Variants in FOCAD observed in about 807,000 individuals in gnomAD.
The protein encoded by FOCAD is KIAA1797.
Under a neutral mutation model 225.6 loss-of-function variants are expected in FOCAD, and 198 were observed. The observed-to-expected ratio is 0.88, with a 90% CI of 0.78 to 0.99. FOCAD has a LOEUF of 0.99. Among genes scored for constraint, FOCAD ranks in the 50% least tolerant of loss-of-function variants. The probability of loss-of-function intolerance (pLI) is 0.00; values close to 1 mark genes in which losing one functional copy is unlikely to be tolerated. For synonymous variants in FOCAD, 897 were observed against 755.0 expected (o/e 1.19, Z -3.08); for missense variants, 2,713 against 2,123.6 (o/e 1.28, Z -5.46).
chr9:20,885,412 G>T, intron 21 of FOCAD, 182 bp downstream of exon 21: 1 of 478,418 alleles, frequency 2.1e-6, no homozygotes. Context: ...GAAAGAAACT[G>T]CCATGTTTTC....
At chr9:20,901,460 G>A (rs1832557264) in intron 21 of FOCAD, among the ~76,000 whole-genome samples, 1 of 151,788 alleles carries the variant, frequency 6.6e-6, no homozygotes, top group African/African-American at 2.4e-5. Context: ...TGCCATCAAA[G>A]TTTGTTACCT....
intron 33 of FOCAD, among the ~76,000 whole-genome samples, chr9:20,950,643 A>G (rs1837601810): frequency 6.6e-6 from 1 of 152,200 alleles, no homozygotes; most frequent in African/African-American, 2.4e-5. Context: ...AGGTATTTTC[A>G]TCTTAAGTAA....
chr9:20,705,754 G>C (rs1193913916), intron 1 of FOCAD, among the ~76,000 whole-genome samples: 1 of 150,802 alleles, frequency 6.6e-6, no homozygotes, highest in Non-Finnish European at 1.5e-5. Context: ...TGAAGATTTA[G>C]ATTGGATGCT....
intron 28 of FOCAD, among the ~76,000 whole-genome samples, chr9:20,942,292 A>G (rs542057251): frequency 1.1e-4 from 16 of 152,354 alleles, no homozygotes; most frequent in Admixed American, 7.8e-4. Flanking sequence ...TAATACATCT[A>G]TCTCCTGAGA....
intron 29 of FOCAD, 43 bp downstream of exon 29, chr9:20,944,817 T>G: frequency 6.4e-7 from 1 of 1,556,162 alleles, no homozygotes. Context: ...TGCTCTCTTT[T>G]GTTTTCTTCT....
chr9:20,920,460 T>A (rs1587612667), intron 24 of FOCAD, among the ~76,000 whole-genome samples: 1 of 126,616 alleles, frequency 7.9e-6, no homozygotes, highest in Non-Finnish European at 1.6e-5. Flanking sequence ...ATCCCATTAC[T>A]GGGTATATAC....
chr9:20,845,238 T>G (rs1826959566), intron 15 of FOCAD, among the ~76,000 whole-genome samples: 1 of 152,020 alleles, frequency 6.6e-6, no homozygotes, highest in South Asian at 2.1e-4. Context: ...TCAGAAAATA[T>G]GGATTAGCAG....
intron 1 of FOCAD, among the ~76,000 whole-genome samples, chr9:20,714,604 T>TTGCCTGCCTGCTTGCC (rs1825150913): frequency 3.4e-5 from 2 of 59,298 alleles, no homozygotes; most frequent in African/African-American, 6.1e-5. Context: ...TTTTGCATGC[T>TTGCCTGCCTGCTTGCC]TGCCTGCCTG....
chr9:20,711,525 C>T lies in FOCAD; in HGVS notation c.-32-3797C>T, dbSNP rs181264607. ...GGAGAGCCCCAAGACTAAGCAGTTA[C>T]TGGAGTAAGCCTGCCATGAGGAACT... On this transcript the variant is annotated intron_variant, in intron 1 of 43. Transcript: ENST00000338382. 2.8e-4 allele frequency among the ~76,000 whole-genome samples: 42 copies of T among 152,218 alleles called. 1 individual carries two copies. Among genetic ancestry groups the T allele is most frequent in the African/African-American group, 9.6e-4 (40 of 41,492 alleles).
intron 24 of FOCAD, among the ~76,000 whole-genome samples, chr9:20,918,656 G>A (rs35360152): frequency 6.6e-5 from 10 of 151,934 alleles, no homozygotes; most frequent in South Asian, 2.1e-4. Context: ...CCCGGGAGGC[G>A]GAGCTTGCAG....
intron 8 of FOCAD, 37 bp downstream of exon 8, chr9:20,770,275 C>T (rs766778658): frequency 6.5e-7 from 1 of 1,541,712 alleles, no homozygotes. Context: ...TCATGCATTG[C>T]TATTAAGAAA....
chr9:20,991,200 C>T (rs1841639317), intron 42 of FOCAD, among the ~76,000 whole-genome samples: 1 of 152,216 alleles, frequency 6.6e-6, no homozygotes, highest in Admixed American at 6.5e-5. Flanking sequence ...ACTAGCTGTT[C>T]TGCAAAGCAT....
intron 5 of FOCAD, among the ~76,000 whole-genome samples, chr9:20,742,732 T>C (rs568565676): frequency 6.6e-6 from 1 of 152,352 alleles, no homozygotes; most frequent in East Asian, 1.9e-4. Context: ...TTATCTGTAA[T>C]GTTTGACCTT....
chr9:20,976,411 C>T lies in FOCAD; in HGVS notation c.4133-9C>T, dbSNP rs1342108474. 6 of 1,611,582 alleles carry T rather than the reference C, an allele frequency of 3.7e-6. No homozygotes were observed. The highest frequency in any genetic ancestry group is 5.1e-6 in the Non-Finnish European group (6 of 1,178,308). On this transcript the variant is annotated splice_polypyrimidine_tract_variant and intron_variant, in intron 35 of 43. Coordinates refer to ENST00000338382, the MANE Select transcript of FOCAD (RefSeq NM_001375567.1). ...GTGTTTTACTATTATTTTTCACTGT[C>T]TGTTATAGGTCCTGAATCTGTGCCT...
At chr9:20,872,299 G>T (rs1829851281) in intron 18 of FOCAD, among the ~76,000 whole-genome samples, 1 of 152,106 alleles carries the variant, frequency 6.6e-6, no homozygotes, top group Non-Finnish European at 1.5e-5. Context: ...GATGACCCAG[G>T]TGCAGTGACT....
rs545147860 is a variant in FOCAD at position 20,929,212 on chromosome 9, G to A, written c.3079-146G>A. 7.8e-5 allele frequency: 48 copies of A among 613,172 alleles called. 1 individual carries two copies. The highest frequency in any genetic ancestry group is 6.0e-4 in the African/African-American group (33 of 54,556). 38.0% of individuals were successfully genotyped at this position (613,172 alleles called of 1,614,324 possible). On this transcript the variant is annotated intron_variant, in intron 26 of 43. Coordinates refer to ENST00000338382, the MANE Select transcript of FOCAD (RefSeq NM_001375567.1). ...GAAAACATAATCTATAGACAAAAAC[G>A]TTTGGATTTTTAAAAAATGTATTAT...
chr9:20,827,637 C>T (rs866684234), intron 15 of FOCAD, among the ~76,000 whole-genome samples: 13 of 151,518 alleles, frequency 8.6e-5, no homozygotes, highest in South Asian at 4.2e-4. Flanking sequence ...AAGACAGACA[C>T]GGAAAGAAAA....
At position 20,926,400 on chromosome 9, in the gene FOCAD, C is replaced by T. The variant is rs1348634205; in HGVS notation, c.3061C>T (p.Leu1021Phe). 1 of 1,604,888 alleles carries T rather than the reference C, an allele frequency of 6.2e-7. No individual in the cohort carries two copies. The highest frequency in any genetic ancestry group is 1.1e-5 in the South Asian group (1 of 90,878). Residue 1021 changes from leucine to phenylalanine, a missense_variant, in exon 26 of 44, where the codon CTC (leucine) becomes TTC (phenylalanine). Transcript: ENST00000338382. ...CCATTACCAACCCAGAGGGCAACTT[C>T]TCTCCTGGTTTTATTATGTAAGTGC... is the stretch of plus-strand genomic sequence containing the variant. ...DSHYQPRGQL[L>F]SWFYYKSYSG...
At chr9:20,841,393 G>A (rs1826512902) in intron 15 of FOCAD, among the ~76,000 whole-genome samples, 1 of 151,116 alleles carries the variant, frequency 6.6e-6, no homozygotes, top group Admixed American at 6.6e-5. Context: ...ATCAGTTTCT[G>A]GGCTTTTTTT....
Sources: allele counts gnomAD v4.1 joint callset (sites outside exome capture counted in the v4.1 genomes callset), GRCh38; gene constraint gnomAD v4.1.1; transcripts MANE v1.5; gene names NCBI Gene and HGNC (gene_info 2026-07-23, HGNC 2026-07-21).